Variants in GRIN3B observed in about 807,000 individuals in gnomAD.
GRIN3B encodes the protein glutamate ionotropic receptor NMDA type subunit 3B, also known as glutamate receptor ionotropic, NMDA 3B.
Under a neutral mutation model 66.0 loss-of-function variants are expected in GRIN3B, and 77 were observed. The observed-to-expected ratio is 1.17, with a 90% CI of 0.97 to 1.41. The LOEUF is 1.41. GRIN3B is among the 40% of genes most tolerant of loss of function. GRIN3B has a pLI of 0.00. For missense variants in GRIN3B, 1,787 were observed against 1,564.5 expected, an observed-to-expected ratio of 1.14 and a Z score of -2.40; for synonymous variants, 823 against 749.7, an observed-to-expected ratio of 1.10 and a Z score of -1.60.
chr19:1,007,509 G>C lies in GRIN3B; in HGVS notation c.2053-119G>C. On this transcript the variant is annotated intron_variant, in intron 3 of 8. Coordinates refer to ENST00000234389, the MANE Select transcript of GRIN3B (RefSeq NM_138690.3). This position sits in a 1 kb window ranked among gnomAD's most constrained non-coding sequence, Gnocchi z 4.4. ...TGGGCATGGAGTGGGTGGAGGCCAG[G>C]AATGCAGCCTCGGCGCCCTGCAGTG... The C allele has an allele frequency of 4.1e-6, 5 of 1,206,410 alleles. No homozygotes were observed. The highest frequency in any genetic ancestry group is 2.0e-5 in the South Asian group (1 of 49,794). 74.7% of individuals were successfully genotyped at this position (1,206,410 alleles called of 1,614,324 possible).
chr19:1,007,922 C>T lies in GRIN3B; in HGVS notation c.2265C>T (p.Ile755=), dbSNP rs776144019. The part of the protein sequence containing the change: ...DKSLLDYEVS[I]DADCKLLTVG... ...CGCTCCTGGACTACGAGGTCTCCAT[C>T]GACGCCGACTGCAAACTGCTGACCG... The change falls in exon 5 of 9, where the codon ATC becomes ATT. Residue 755 remains isoleucine (I), a synonymous_variant. Transcript: ENST00000234389. The surrounding 1 kb of genome is among the most constrained non-coding windows in gnomAD (Gnocchi z 4.4). 6 of 1,611,980 alleles carry T rather than the reference C, an allele frequency of 3.7e-6. No homozygotes were observed. The highest frequency in any genetic ancestry group is 1.1e-5 in the South Asian group (1 of 91,088).
Position 1,008,779 on chromosome 19 carries a change from C to A in GRIN3B, c.2628C>A (p.Ser876Arg), listed in dbSNP as rs757457257. ...GGCTGCAGTACTGGCTGCACACCAGCCAGGTGGGGAGCGGGTGGGCGGCGG... is the reference window on the plus strand; with the variant it reads ...GGCTGCAGTACTGGCTGCACACCAGACAGGTGGGGAGCGGGTGGGCGGCGG... ...GSRLQYWLHT[S>R]QKIHRALNTE... Residue 876 changes from serine to arginine, a missense_variant, in exon 7 of 9, where the codon AGC (serine) becomes AGA (arginine). Coordinates refer to ENST00000234389, the MANE Select transcript of GRIN3B (RefSeq NM_138690.3). 2 of 1,601,208 alleles carry A rather than the reference C, an allele frequency of 1.2e-6. No individual in the cohort carries two copies. Among genetic ancestry groups the A allele is most frequent in the Non-Finnish European group, 8.5e-7 (1 of 1,174,914 alleles).
Position 1,009,457 on chromosome 19 carries a change from G to A in GRIN3B, c.2987G>A (p.Arg996Gln), listed in dbSNP as rs1464282100. The change falls in exon 9 of 9, where the codon CGG becomes CAG. Residue 996 changes from arginine (R) to glutamine (Q), a missense_variant. Physicochemically the swap from Arg to Gln is conservative, Grantham distance 43 (BLOSUM62 1). Coordinates refer to ENST00000234389, the MANE Select transcript of GRIN3B (RefSeq NM_138690.3). ...CGCCGCATCGAAGTCGCGCGTGAGC[G>A]GCTCCGCCAGGCCCTGGTGCGGCGC... is the stretch of plus-strand genomic sequence containing the variant. The part of the protein sequence containing the change: ...LERRIEVARE[R>Q]LRQALVRRGQ... 8.1e-6 allele frequency: 12 copies of A among 1,475,144 alleles called. No homozygotes were observed. The East Asian group carries it at 8.6e-5, about 11-fold the overall frequency. 91.4% of individuals were successfully genotyped at this position (1,475,144 alleles called of 1,614,324 possible).
chr19:1,009,121 G>A, intron 8 of GRIN3B, 52 bp from the exon 9 acceptor site: 1 of 1,441,180 alleles, frequency 6.9e-7, no homozygotes, highest in Non-Finnish European at 9.1e-7. Context: ...AGAGGCCCAG[G>A]GCGCGAGACG....
Position 1,005,158 on chromosome 19 carries a change from C to A in GRIN3B, c.1657C>A (p.Leu553Met). 1 of 1,613,474 alleles carries A rather than the reference C, an allele frequency of 6.2e-7. No homozygotes were observed. Among genetic ancestry groups the A allele is most frequent in the Non-Finnish European group, 8.5e-7 (1 of 1,179,974 alleles). Reference protein sequence around the residue: ...DFTSPFFSTSLGIMVRARDTA... With the variant: ...DFTSPFFSTSMGIMVRARDTA... ...CACCAGCCCCTTCTTCTCCACCAGC[C>A]TGGGCATCATGGTGCGGGCACGGGA... The change falls in exon 3 of 9, where the codon CTG becomes ATG. Residue 553 changes from leucine (L) to methionine (M), a missense_variant. Coordinates refer to ENST00000234389, the MANE Select transcript of GRIN3B (RefSeq NM_138690.3). The surrounding 1 kb of genome is among the most constrained non-coding windows in gnomAD (Gnocchi z 5.2).
At chr19:1,004,499 A>ACGCC in intron 2 of GRIN3B, 22 bp from the exon 3 acceptor site, 90 of 1,526,532 alleles carry the variant, frequency 5.9e-5, no homozygotes, top group Non-Finnish European at 6.5e-5. Flanking sequence ...GACACCTGAC[A>ACGCC]CCCCCCCCGC....
In GRIN3B at chr19:1,003,511, CCCACCGCGGGGCTGCCA is replaced by C; in HGVS notation, c.812_828del (p.Thr271ArgfsTer19). On this transcript the variant is annotated frameshift_variant, in exon 2 of 9. Transcript: ENST00000234389. LOFTEE classifies it high-confidence loss of function. ...GACACCACTGCCGCCCAAGGCCCTG[CCCACCGCGGGGCTGCCA>C]CCAGGGCTGCTGGCGCTGGGCGAGG... 2 of 1,533,480 alleles carry C rather than the reference CCCACCGCGGGGCTGCCA, an allele frequency of 1.3e-6. No individual in the cohort carries two copies. The highest frequency in any genetic ancestry group is 1.7e-6 in the Non-Finnish European group (2 of 1,144,854). The allele number at this position is 1,533,480 out of a possible 1,614,324, so 95.0% of individuals were successfully genotyped here.
rs764514861 is a variant in GRIN3B, at chr19:1,007,926, G to C, written c.2269G>C (p.Ala757Pro). 2 of 1,612,002 alleles carry C rather than the reference G, an allele frequency of 1.2e-6. No homozygotes were observed. Among genetic ancestry groups the C allele is most frequent in the South Asian group, 2.2e-5 (2 of 91,084 alleles). The change falls in exon 5 of 9, where the codon GCC becomes CCC. Residue 757 changes from alanine to proline, a missense_variant. Physicochemically the swap from Ala to Pro is conservative, Grantham distance 27 (BLOSUM62 -1). Transcript: ENST00000234389. The surrounding 1 kb of genome is among the most constrained non-coding windows in gnomAD (Gnocchi z 4.4). ...SLLDYEVSIDADCKLLTVGKP... is the reference protein window; with the variant it reads ...SLLDYEVSIDPDCKLLTVGKP... ...CCTGGACTACGAGGTCTCCATCGAC[G>C]CCGACTGCAAACTGCTGACCGTGGG...
rs566929348 is a variant in GRIN3B, at chr19:1,007,809, G to A, written c.2198+36G>A. 1.3e-4 allele frequency: 193 copies of A among 1,531,278 alleles called. No individual in the cohort carries two copies. In the African/African-American group the frequency reaches 2.5e-3, roughly 20 times the overall value. 94.9% of individuals were successfully genotyped at this position (1,531,278 alleles called of 1,614,324 possible). On this transcript the variant is annotated intron_variant, in intron 4 of 8. Coordinates refer to ENST00000234389, the MANE Select transcript of GRIN3B (RefSeq NM_138690.3). This position sits in a 1 kb window ranked among gnomAD's most constrained non-coding sequence, Gnocchi z 4.4. Reference sequence around the variant, plus strand: ...GCGCGGGGTGAGGCGGGGGCGGGGCGTGGGGTGGGCGGGGCGATGGCTGAC... The same window carrying A: ...GCGCGGGGTGAGGCGGGGGCGGGGCATGGGGTGGGCGGGGCGATGGCTGAC...
At position 1,005,852 on chromosome 19, in the gene GRIN3B, G is replaced by T. The variant is rs937340691; in HGVS notation, c.2052+299G>T. On this transcript the variant is annotated intron_variant, in intron 3 of 8. Transcript: ENST00000234389. This position sits in a 1 kb window ranked among gnomAD's most constrained non-coding sequence, Gnocchi z 5.2. Reference sequence around the variant, plus strand: ...CCCCATCTTTACTAAAAAATACAAAGAATTAGCTGAGCATGGTGGTGGGCA... The same window carrying T: ...CCCCATCTTTACTAAAAAATACAAATAATTAGCTGAGCATGGTGGTGGGCA... Among the ~76,000 whole-genome samples the T allele has an allele frequency of 1.1e-4, 17 of 151,836 alleles. No individual in the cohort carries two copies. The highest frequency in any genetic ancestry group is 3.9e-4 in the African/African-American group (16 of 41,352).
At position 1,007,524 on chromosome 19, in the gene GRIN3B, G is replaced by A. The variant is rs1421270013; in HGVS notation, c.2053-104G>A. ...TGGAGGCCAGGAATGCAGCCTCGGCGCCCTGCAGTGCCCAGGACGGCCCCA... is the reference window on the plus strand; with the variant it reads ...TGGAGGCCAGGAATGCAGCCTCGGCACCCTGCAGTGCCCAGGACGGCCCCA... On this transcript the variant is annotated intron_variant, in intron 3 of 8. Transcript: ENST00000234389. The surrounding 1 kb of genome is among the most constrained non-coding windows in gnomAD (Gnocchi z 4.4). The A allele has an allele frequency of 1.6e-6, 2 of 1,281,248 alleles. No homozygotes were observed. Among genetic ancestry groups the A allele is most frequent in the Admixed American group, 4.0e-5 (1 of 25,016 alleles). 79.4% of individuals were successfully genotyped at this position (1,281,248 alleles called of 1,614,324 possible).
chr19:1,001,435 C>G (rs548204535), intron 1 of GRIN3B, among the ~76,000 whole-genome samples: 2 of 151,976 alleles, frequency 1.3e-5, no homozygotes, highest in Admixed American at 6.6e-5. Flanking sequence ...TTCCCACCCC[C>G]CAACCCCTGG....
rs2038792201 is a variant in GRIN3B, at chr19:1,008,680, C to CA, written c.2530dup (p.Ser844LysfsTer152). On this transcript the variant is annotated frameshift_variant, in exon 7 of 9. Transcript: ENST00000234389. LOFTEE classifies it high-confidence loss of function. ...TCGTGTTGCTGTGCCTGGGCCTGGGCAGCGCTCTGCTCAGCTCGCTGGGCG... is the reference window on the plus strand; with the variant it reads ...TCGTGTTGCTGTGCCTGGGCCTGGGCAAGCGCTCTGCTCAGCTCGCTGGGCG... 6.2e-7 allele frequency: 1 copy of CA among 1,605,946 alleles called. No homozygotes were observed. The highest frequency in any genetic ancestry group is 1.3e-5 in the African/African-American group (1 of 74,916).
chr19:1,005,108 C>A lies in GRIN3B; in HGVS notation c.1607C>A (p.Ser536Tyr). ...HMAVTSFSINSARSQVVDFTS... is the reference protein window; with the variant it reads ...HMAVTSFSINYARSQVVDFTS... ...GCGGTCACCAGCTTCAGTATCAACTCCGCCCGCTCACAGGTGGTGGACTTC... is the reference window on the plus strand; with the variant it reads ...GCGGTCACCAGCTTCAGTATCAACTACGCCCGCTCACAGGTGGTGGACTTC... Residue 536 changes from serine (S) to tyrosine (Y), a missense_variant, in exon 3 of 9, where the codon TCC becomes TAC. Physicochemically the swap from Ser to Tyr is moderately radical, Grantham distance 144 (BLOSUM62 -2). Transcript: ENST00000234389. This position sits in a 1 kb window ranked among gnomAD's most constrained non-coding sequence, Gnocchi z 5.2. 1 of 1,613,004 alleles carries A rather than the reference C, an allele frequency of 6.2e-7. No individual in the cohort carries two copies. The highest frequency in any genetic ancestry group is 8.5e-7 in the Non-Finnish European group (1 of 1,179,872).
intron 8 of GRIN3B, 107 bp downstream of exon 8, chr19:1,009,034 C>T: frequency 1.4e-5 from 20 of 1,471,276 alleles, no homozygotes; most frequent in Non-Finnish European, 1.8e-5. Flanking sequence ...CGGAGGTCCC[C>T]CGCCCACCCC....
rs370031535 is a variant in GRIN3B at position 1,003,325 on chromosome 19, C to G, written c.622C>G (p.Arg208Gly). ...ACAGCTGGTCCTGGACCTAAGCCGGCGGGACACGGGAGATGCAGGACTGCG... is the reference window on the plus strand; with the variant it reads ...ACAGCTGGTCCTGGACCTAAGCCGGGGGGACACGGGAGATGCAGGACTGCG... ...PPQLVLDLSR[R>G]DTGDAGLRAR... Residue 208 changes from arginine (R) to glycine (G), a missense_variant, in exon 2 of 9, where the codon CGG (arginine) becomes GGG (glycine). Arg to Gly is a moderately radical substitution (Grantham distance 125). Coordinates refer to ENST00000234389, the MANE Select transcript of GRIN3B (RefSeq NM_138690.3). The G allele has an allele frequency of 5.1e-6, 8 of 1,571,236 alleles. No individual in the cohort carries two copies. In the Admixed American group the frequency reaches 1.4e-4, roughly 28 times the overall value.
chr19:1,008,760 A>G lies in GRIN3B; in HGVS notation c.2609A>G (p.Gln870Arg), dbSNP rs1365839787. ...LPRIRKGSRLQYWLHTSQKIH... is the reference protein window; with the variant it reads ...LPRIRKGSRLRYWLHTSQKIH... Reference sequence around the variant, plus strand: ...CGCATCCGCAAGGGGAGCAGGCTGCAGTACTGGCTGCACACCAGCCAGGTG... The same window carrying G: ...CGCATCCGCAAGGGGAGCAGGCTGCGGTACTGGCTGCACACCAGCCAGGTG... Residue 870 changes from glutamine to arginine, a missense_variant, in exon 7 of 9, where the codon CAG becomes CGG. By Grantham distance (43) the Gln-to-Arg change is conservative (BLOSUM62 1). Coordinates refer to ENST00000234389, the MANE Select transcript of GRIN3B (RefSeq NM_138690.3). 6.2e-7 allele frequency: 1 copy of G among 1,604,932 alleles called. No individual in the cohort carries two copies. The highest frequency in any genetic ancestry group is 2.2e-5 in the East Asian group (1 of 44,512).
rs2038773236 is a variant in GRIN3B at position 1,007,867 on chromosome 19, C to CA, written c.2210_2211insA (p.Lys738GlnfsTer34). ...CCCGGCCCCAGCAGGAGCGACCCCC[C>CA]CAAGCTCAACGCCTTCATCATGGAC... is the stretch of plus-strand genomic sequence containing the variant. On this transcript the variant is annotated frameshift_variant, in exon 5 of 9. Coordinates refer to ENST00000234389, the MANE Select transcript of GRIN3B (RefSeq NM_138690.3). LOFTEE classifies it high-confidence loss of function. This position sits in a 1 kb window ranked among gnomAD's most constrained non-coding sequence, Gnocchi z 4.4. 1.3e-5 allele frequency: 21 copies of CA among 1,610,694 alleles called. No individual in the cohort carries two copies. The highest frequency in any genetic ancestry group is 1.8e-5 in the Non-Finnish European group (21 of 1,178,818).
In GRIN3B at chr19:1,009,297, G is replaced by A. The variant is rs2038811136; in HGVS notation, c.2827G>A (p.Val943Ile). ...RVRFLLEPAV[V>I]VAPEADAEAE... Reference sequence around the variant, plus strand: ...GCGCTTCCTGCTGGAGCCCGCCGTGGTTGTGGCACCCGAAGCGGACGCGGA... The same window carrying A: ...GCGCTTCCTGCTGGAGCCCGCCGTGATTGTGGCACCCGAAGCGGACGCGGA... The change falls in exon 9 of 9, where the codon GTT (valine) becomes ATT (isoleucine). Residue 943 changes from valine (V) to isoleucine (I), a missense_variant. Coordinates refer to ENST00000234389, the MANE Select transcript of GRIN3B (RefSeq NM_138690.3). The A allele has an allele frequency of 1.4e-6, 2 of 1,412,018 alleles. No homozygotes were observed. The highest frequency in any genetic ancestry group is 3.0e-5 in the South Asian group (2 of 66,156). 87.5% of individuals were successfully genotyped at this position (1,412,018 alleles called of 1,614,324 possible). A position where few individuals can be genotyped will look rare whatever the true frequency, so the allele number is the denominator to read the frequency against.
Sources: allele counts gnomAD v4.1 joint callset (sites outside exome capture counted in the v4.1 genomes callset), GRCh38; gene constraint gnomAD v4.1.1; non-coding constraint Gnocchi (gnomAD v3.1); transcripts MANE v1.5; gene names NCBI Gene and HGNC (gene_info 2026-07-23, HGNC 2026-07-21).